Variants in GAREM1 observed in about 807,000 individuals in gnomAD.
GAREM1 encodes the protein GRB2-associated and regulator of MAPK protein 1.
A neutral mutation model predicts 71.3 loss-of-function variants in GAREM1; 26 were observed. That is an observed-to-expected ratio of 0.36 (90% CI 0.27 to 0.51). The LOEUF is 0.51. GAREM1 is among the 20% of genes least tolerant of loss of function. The pLI, the probability that GAREM1 is intolerant of heterozygous loss-of-function variation, is 0.95. For synonymous variants in GAREM1, 440 were observed against 433.2 expected (o/e 1.02, Z -0.20); for missense variants, 1,026 against 1,103.1 (o/e 0.93, Z 0.99).
At chr18:32,297,252 C>T (rs1363542706) in intron 3 of GAREM1, among the ~76,000 whole-genome samples, 2 of 152,166 alleles carry the variant, frequency 1.3e-5, no homozygotes, top group East Asian at 3.8e-4. Context: ...ATACTATCAG[C>T]TAAACTACAA....
chr18:32,359,226 C>T (rs568901439), intron 2 of GAREM1, among the ~76,000 whole-genome samples: 1 of 152,174 alleles, frequency 6.6e-6, no homozygotes, highest in African/African-American at 2.4e-5. Flanking sequence ...ATGCCCCATA[C>T]CTCCCACCTG....
At chr18:32,407,716 T>C (rs1159027999) in intron 1 of GAREM1, among the ~76,000 whole-genome samples, 1 of 152,062 alleles carries the variant, frequency 6.6e-6, no homozygotes, top group Non-Finnish European at 1.5e-5. Flanking sequence ...GCAGCAACCA[T>C]CTGAGACCCT....
At chr18:32,327,989 A>G (rs2047490327) in intron 2 of GAREM1, among the ~76,000 whole-genome samples, 1 of 152,212 alleles carries the variant, frequency 6.6e-6, no homozygotes, top group Non-Finnish European at 1.5e-5. Context: ...AATAATATGA[A>G]TATTATTTTT....
intron 2 of GAREM1, among the ~76,000 whole-genome samples, chr18:32,372,877 G>C (rs2047997225): frequency 1.3e-5 from 2 of 152,174 alleles, no homozygotes; most frequent in African/African-American, 4.8e-5. Flanking sequence ...TAGAAAACTG[G>C]GGGTTGTGTA....
chr18:32,271,668 G>A (rs574185686), intron 4 of GAREM1, among the ~76,000 whole-genome samples: 7 of 152,080 alleles, frequency 4.6e-5, no homozygotes, highest in South Asian at 2.1e-4. Context: ...GTAATGAAGC[G>A]GCTCTCTACA....
intron 2 of GAREM1, among the ~76,000 whole-genome samples, chr18:32,333,705 A>G (rs1257208866): frequency 2.0e-5 from 3 of 152,178 alleles, no homozygotes; most frequent in Non-Finnish European, 4.4e-5. Context: ...ATGGCAATAG[A>G]TCTCATCCTC....
At chr18:32,276,740 G>C (rs1362206965) in intron 4 of GAREM1, among the ~76,000 whole-genome samples, 1 of 152,136 alleles carries the variant, frequency 6.6e-6, no homozygotes, top group East Asian at 1.9e-4. Flanking sequence ...TAGAAGAACA[G>C]GGCTTGGGAA....
intron 2 of GAREM1, among the ~76,000 whole-genome samples, chr18:32,355,648 C>T (rs1189041444): frequency 6.6e-6 from 1 of 152,046 alleles, no homozygotes; most frequent in African/African-American, 2.4e-5. Context: ...TTTATAAATA[C>T]GGGGGAACTT....
At chr18:32,422,940 G>A (rs113645759) in intron 1 of GAREM1, among the ~76,000 whole-genome samples, 12 of 152,282 alleles carry the variant, frequency 7.9e-5, no homozygotes, top group African/African-American at 1.9e-4. Context: ...ACTAGAACTC[G>A]GCCTCCTGCT....
intron 2 of GAREM1, among the ~76,000 whole-genome samples, chr18:32,368,639 A>G (rs988479713): frequency 6.6e-6 from 1 of 152,204 alleles, no homozygotes. Context: ...CCCTACTGCT[A>G]AGTACCAAGT....
In GAREM1 at chr18:32,272,847, T is replaced by G. The variant is rs147428262; in HGVS notation, c.1567-2464A>C. On this transcript the variant is annotated intron_variant, in intron 4 of 5. Transcript: ENST00000269209. Reference sequence around the variant, plus strand: ...CATGCTGGCCAGGCTGGTCTCGAACTGCTGACCTCAGGTGATCCACCCTCC... The same window carrying G: ...CATGCTGGCCAGGCTGGTCTCGAACGGCTGACCTCAGGTGATCCACCCTCC... Among the ~76,000 whole-genome samples the G allele has an allele frequency of 1.6e-3, 243 of 152,346 alleles. 1 individual carries two copies. The highest frequency in any genetic ancestry group is 2.5e-3 in the Non-Finnish European group (172 of 68,024).
rs1163057950 is a variant in GAREM1, at chr18:32,324,444, A to G, written c.263-14121T>C. ...AGACAATAATACAAGCAGCTGCTTG[A>G]GCTGTGGTTTTCATTAGGAAAAAAA... On this transcript the variant is annotated intron_variant, in intron 2 of 5. Transcript: ENST00000269209. Among the ~76,000 whole-genome samples, 8 of 152,276 alleles carry G rather than the reference A, an allele frequency of 5.3e-5. No homozygotes were observed. In the East Asian group the frequency reaches 1.5e-3, roughly 29 times the overall value.
At chr18:32,277,977 G>C (rs1264861987) in intron 4 of GAREM1, among the ~76,000 whole-genome samples, 1 of 152,072 alleles carries the variant, frequency 6.6e-6, no homozygotes, top group Non-Finnish European at 1.5e-5. Context: ...ATACTTCCTA[G>C]GGGTTTATGA....
At chr18:32,371,069 AGC>A (rs2047973491) in intron 2 of GAREM1, among the ~76,000 whole-genome samples, 2 of 152,118 alleles carry the variant, frequency 1.3e-5, no homozygotes, top group African/African-American at 4.8e-5. Context: ...ATGCCAAGGA[AGC>A]ATCAGAAGAG....
intron 2 of GAREM1, among the ~76,000 whole-genome samples, chr18:32,322,380 A>T (rs552204685): frequency 6.6e-6 from 1 of 152,326 alleles, no homozygotes; most frequent in African/African-American, 2.4e-5. Flanking sequence ...AGATCCATCC[A>T]CAGCGGACTA....
intron 2 of GAREM1, among the ~76,000 whole-genome samples, chr18:32,339,575 C>T (rs1011746815): frequency 5.3e-5 from 8 of 152,210 alleles, no homozygotes; most frequent in African/African-American, 1.9e-4. Context: ...ACACCTACAG[C>T]ATCCACTTTG....
At chr18:32,303,201 A>G (rs1450002350) in intron 3 of GAREM1, among the ~76,000 whole-genome samples, 3 of 152,210 alleles carry the variant, frequency 2.0e-5, no homozygotes, top group Admixed American at 2.0e-4. Flanking sequence ...TGGAGCTAAA[A>G]TAGTAACATT....
At chr18:32,344,216 T>C (rs1015077766) in intron 2 of GAREM1, among the ~76,000 whole-genome samples, 3 of 152,200 alleles carry the variant, frequency 2.0e-5, no homozygotes, top group Admixed American at 6.5e-5. Context: ...AATTGATCTC[T>C]TTTTGGACCC....
At chr18:32,421,460 C>G (rs1272233149) in intron 1 of GAREM1, among the ~76,000 whole-genome samples, 1 of 152,156 alleles carries the variant, frequency 6.6e-6, no homozygotes, top group Non-Finnish European at 1.5e-5. Context: ...GAGAACCTTC[C>G]TAATGCCAAT....
Sources: allele counts gnomAD v4.1 joint callset (sites outside exome capture counted in the v4.1 genomes callset), GRCh38; gene constraint gnomAD v4.1.1; transcripts MANE v1.5; gene names NCBI Gene and HGNC (gene_info 2026-07-23, HGNC 2026-07-21).